ATP2A1: variants seen among roughly 807,000 people sequenced by gnomAD.
ATP2A1 encodes the protein ATPase sarcoplasmic/endoplasmic reticulum Ca2+ transporting 1.
A neutral mutation model predicts 109.5 loss-of-function variants in ATP2A1; 83 were observed. The ratio of observed to expected loss-of-function variants is 0.76; its 90% confidence interval spans 0.63 to 0.91. The LOEUF (loss-of-function observed/expected upper bound fraction) is 0.91. ATP2A1 is among the 40% of genes least tolerant of loss of function. ATP2A1 has a pLI of 0.00. For synonymous variants in ATP2A1, 505 were observed against 537.6 expected (o/e 0.94, Z 0.84); for missense variants, 1,101 against 1,341.0 (o/e 0.82, Z 2.80).
rs1379925787 is a variant in ATP2A1 at position 28,887,198 on chromosome 16, T to C, written c.554T>C (p.Val185Ala). 18 of 1,613,604 alleles carry C rather than the reference T, an allele frequency of 1.1e-5. No individual in the cohort carries two copies. The highest frequency in any genetic ancestry group is 1.4e-5 in the Non-Finnish European group (17 of 1,179,972). The change falls in exon 7 of 23, where the codon GTA becomes GCA. Residue 185 changes from valine (V) to alanine (A), a missense_variant. Val to Ala is a moderately conservative substitution (Grantham distance 64). Coordinates refer to ENST00000395503, the MANE Select transcript of ATP2A1 (RefSeq NM_004320.6). ...GGCCCCTTCTCCACAGGCGAGTCTG[T>C]ATCTGTCATCAAACACACGGAGCCC... ...VDQSILTGESVSVIKHTEPVP... is the reference protein window; with the variant it reads ...VDQSILTGESASVIKHTEPVP...
chr16:28,879,904 T>C (rs1171786576), intron 3 of ATP2A1: 1 of 765,446 alleles, frequency 1.3e-6, no homozygotes, highest in Non-Finnish European at 1.7e-6. Flanking sequence ...CGATGCCGGC[T>C]GCGGCGCGGG....
At position 28,878,810 on chromosome 16, in the gene ATP2A1, C is replaced by A. The variant is rs62037371; in HGVS notation, c.118+21C>A. 599,425 of 1,609,342 alleles carry A rather than the reference C, an allele frequency of 0.37. 116,562 individuals carry two copies. The highest frequency in any genetic ancestry group is 0.47 in the Admixed American group (27,984 of 59,860). The stretch of plus-strand genomic sequence containing the variant: ...CAATGGTAAGTGTCCCTTGGAAGAG[C>A]GGCTGGTAATTAATGCCCTCCTGCA... On this transcript the variant is annotated intron_variant, in intron 1 of 22. Coordinates refer to ENST00000395503, the MANE Select transcript of ATP2A1 (RefSeq NM_004320.6).
rs867028891 is a variant in ATP2A1 at position 28,904,352 on chromosome 16, C to A, written c.*210C>A. On this transcript the variant is annotated 3_prime_UTR_variant, in exon 23 of 23. Transcript: ENST00000395503. Reference sequence around the variant, plus strand: ...TCCCTTTCCTTCCCCCTCGGCCACCCGCCTCCCTCTCAACCTTGTAAATTC... The same window carrying A: ...TCCCTTTCCTTCCCCCTCGGCCACCAGCCTCCCTCTCAACCTTGTAAATTC... 4.1e-5 allele frequency: 63 copies of A among 1,545,512 alleles called. No homozygotes were observed. The Middle Eastern group carries it at 3.2e-3, about 78-fold the overall frequency.
intron 9 of ATP2A1, among the ~76,000 whole-genome samples, chr16:28,890,561 G>A (rs1196658316): frequency 2.0e-5 from 3 of 152,166 alleles, no homozygotes; most frequent in East Asian, 3.9e-4. Context: ...AGGCTGAGGC[G>A]GAAGGATCAC....
At chr16:28,885,445 A>G (rs1187581396) in intron 6 of ATP2A1, among the ~76,000 whole-genome samples, 2 of 151,918 alleles carry the variant, frequency 1.3e-5, no homozygotes, top group East Asian at 3.9e-4. Flanking sequence ...CCTGGCTTCA[A>G]GCAATTCCCT....
chr16:28,900,584 G>C lies in ATP2A1; in HGVS notation c.1768G>C (p.Asp590His). 6.4e-7 allele frequency: 1 copy of C among 1,562,658 alleles called. No homozygotes were observed. The highest frequency in any genetic ancestry group is 8.7e-7 in the Non-Finnish European group (1 of 1,151,070). ...DSARFLEYET[D>H]LTFVGVVGML... is the part of the protein sequence containing the mutation. ...GCTCTCTGCTGTATCTCCCCAGACG[G>C]ACCTGACATTCGTGGGTGTAGTGGG... The change falls in exon 15 of 23, where the codon GAC becomes CAC. Residue 590 changes from aspartate to histidine, a missense_variant. Coordinates refer to ENST00000395503, the MANE Select transcript of ATP2A1 (RefSeq NM_004320.6).
intron 8 of ATP2A1, among the ~76,000 whole-genome samples, chr16:28,888,430 C>T (rs1383884994): frequency 6.6e-6 from 1 of 151,826 alleles, no homozygotes; most frequent in African/African-American, 2.4e-5. Flanking sequence ...TTAATAGAGA[C>T]AGAGTCTCAC....
chr16:28,894,927 G>T lies in ATP2A1; in HGVS notation c.1393G>T (p.Val465Leu), dbSNP rs1175033224. 6.2e-7 allele frequency: 1 copy of T among 1,612,440 alleles called. No homozygotes were observed. Among genetic ancestry groups the T allele is most frequent in the Admixed American group, 1.7e-5 (1 of 59,998 alleles). The change falls in exon 12 of 23, where the codon GTG (valine) becomes TTG (leucine). Residue 465 changes from valine to leucine, a missense_variant. Physicochemically the swap from Val to Leu is conservative, Grantham distance 32. Coordinates refer to ENST00000395503, the MANE Select transcript of ATP2A1 (RefSeq NM_004320.6). The stretch of plus-strand genomic sequence containing the variant: ...CACGGATGTGAGAAGCCTCTCGAAG[G>T]TGGAGAGAGCCAACGCCTGCAACTC... ...FNTDVRSLSK[V>L]ERANACNSVI...
At position 28,903,811 on chromosome 16, in the gene ATP2A1, G is replaced by A. The variant is rs867771177; in HGVS notation, c.*37+70G>A. The stretch of plus-strand genomic sequence containing the variant: ...CACCCGCGCCCCCTCAGCCCCTTGC[G>A]CGTCGCATCCAAGGTCACTTGTGCT... On this transcript the variant is annotated intron_variant, in intron 22 of 22. Coordinates refer to ENST00000395503, the MANE Select transcript of ATP2A1 (RefSeq NM_004320.6). This position sits in a 1 kb window ranked among gnomAD's most constrained non-coding sequence, Gnocchi z 5.6. 3.2e-5 allele frequency: 44 copies of A among 1,389,386 alleles called. 1 individual carries two copies. The Middle Eastern group carries it at 2.5e-3, about 78-fold the overall frequency. The allele number at this position is 1,389,386 out of a possible 1,614,324, so 86.1% of individuals were successfully genotyped here.
Position 28,887,324 on chromosome 16 carries a change from G to A in ATP2A1, c.630+50G>A, listed in dbSNP as rs373015713. 2.8e-5 allele frequency: 45 copies of A among 1,612,652 alleles called. No homozygotes were observed. In the African/African-American group the frequency reaches 2.9e-4, roughly 11 times the overall value. ...ACACACTCAGTCAAGCCAGGTGCCC[G>A]GGTTGGAGAGAAACATGGCGTGTGA... On this transcript the variant is annotated intron_variant, in intron 7 of 22. Transcript: ENST00000395503.
intron 9 of ATP2A1, among the ~76,000 whole-genome samples, chr16:28,890,705 A>G (rs1370078977): frequency 6.6e-6 from 1 of 151,686 alleles, no homozygotes; most frequent in Non-Finnish European, 1.5e-5. Flanking sequence ...TTGTTTTTTG[A>G]GATGGAGTCT....
rs1964165393 is a variant in ATP2A1 at position 28,903,815 on chromosome 16, C to T, written c.*37+74C>T. ...CGCGCCCCCTCAGCCCCTTGCGCGT[C>T]GCATCCAAGGTCACTTGTGCTCGCA... is the stretch of plus-strand genomic sequence containing the variant. On this transcript the variant is annotated intron_variant, in intron 22 of 22. Coordinates refer to ENST00000395503, the MANE Select transcript of ATP2A1 (RefSeq NM_004320.6). This position sits in a 1 kb window ranked among gnomAD's most constrained non-coding sequence, Gnocchi z 5.6. 5.1e-6 allele frequency: 7 copies of T among 1,361,536 alleles called. No individual in the cohort carries two copies. The highest frequency in any genetic ancestry group is 7.4e-6 in the Non-Finnish European group (7 of 951,436). 84.3% of individuals were successfully genotyped at this position (1,361,536 alleles called of 1,614,324 possible). A position where few individuals can be genotyped will look rare whatever the true frequency, so the allele number is the denominator to read the frequency against.
chr16:28,885,983 C>T (rs985273943), intron 6 of ATP2A1, among the ~76,000 whole-genome samples: 1 of 151,624 alleles, frequency 6.6e-6, no homozygotes, highest in African/African-American at 2.4e-5. Context: ...CTCGGCAACA[C>T]AGCGAGACCC....
chr16:28,880,828 A>G lies in ATP2A1; in HGVS notation c.220-87A>G. On this transcript the variant is annotated intron_variant, in intron 3 of 22. Coordinates refer to ENST00000395503, the MANE Select transcript of ATP2A1 (RefSeq NM_004320.6). This position sits in a 1 kb window ranked among gnomAD's most constrained non-coding sequence, Gnocchi z 4.2. ...TGCTGGCTCCTGCACTCTCCTGCAC[A>G]GTTCTCCCCTTTGCAGTGGTCCACT... 1.5e-6 allele frequency: 2 copies of G among 1,307,996 alleles called. No individual in the cohort carries two copies. Among genetic ancestry groups the G allele is most frequent in the Admixed American group, 3.4e-5 (2 of 58,614 alleles). The allele number at this position is 1,307,996 out of a possible 1,614,324, so 81.0% of individuals were successfully genotyped here.
rs144734672 is a variant in ATP2A1, at chr16:28,901,627, C to T, written c.2101-236C>T. Among the ~76,000 whole-genome samples, 660 of 151,546 alleles carry T rather than the reference C, an allele frequency of 4.4e-3. 7 individuals carry two copies. The highest frequency in any genetic ancestry group is 0.027 in the Admixed American group (407 of 15,234). On this transcript the variant is annotated intron_variant, in intron 15 of 22. Coordinates refer to ENST00000395503, the MANE Select transcript of ATP2A1 (RefSeq NM_004320.6). The stretch of plus-strand genomic sequence containing the variant: ...CAGCCTGGGCGACAGAGTGAGACTC[C>T]GTCTCAAAAAAAAAAGTGTGCCGAT...
chr16:28,887,886 C>T (rs758443357), intron 8 of ATP2A1, among the ~76,000 whole-genome samples, 164 bp downstream of exon 8: 43 of 152,160 alleles, frequency 2.8e-4, no homozygotes, highest in Non-Finnish European at 5.1e-4. Context: ...CTGCAAGCTC[C>T]GCCTCGCGGG....
chr16:28,886,822 A>G (rs1963624226), intron 6 of ATP2A1, among the ~76,000 whole-genome samples: 1 of 149,942 alleles, frequency 6.7e-6, no homozygotes. Flanking sequence ...CCCCGTCTCT[A>G]CTAAAAATAC....
intron 3 of ATP2A1, 69 bp downstream of exon 3, chr16:28,879,652 G>T: frequency 6.7e-7 from 1 of 1,500,160 alleles, no homozygotes. Context: ...TGCGGGGCTC[G>T]CAGTCACTGG....
In ATP2A1 at chr16:28,902,161, G is replaced by A. The variant is rs1964095335; in HGVS notation, c.2322-23G>A. On this transcript the variant is annotated intron_variant, in intron 16 of 22. Coordinates refer to ENST00000395503, the MANE Select transcript of ATP2A1 (RefSeq NM_004320.6). The surrounding 1 kb of genome is among the most constrained non-coding windows in gnomAD (Gnocchi z 4.8). ...TGCAGGTCTGGGAGGCAGGACAGAG[G>A]TGTGACCACCTCCTTCCCACAGTAT... 1 of 1,614,056 alleles carries A rather than the reference G, an allele frequency of 6.2e-7. No homozygotes were observed. The highest frequency in any genetic ancestry group is 8.5e-7 in the Non-Finnish European group (1 of 1,179,898).
Sources: gnomAD v4.1 joint callset for allele counts (sites outside exome capture counted in the v4.1 genomes callset) on GRCh38, gnomAD v4.1.1 for gene constraint, Gnocchi (gnomAD v3.1) non-coding constraint, MANE v1.5 for transcripts, NCBI Gene and HGNC (gene_info 2026-07-23, HGNC 2026-07-21) for gene names.